The following BTAF1 variants were observed in gnomAD, a reference collection of about 807,000 sequenced individuals.
BTAF1 encodes B-TFIID TATA-box binding protein associated factor 1, also known as TATA-binding protein-associated factor 172.
In BTAF1, 38 loss-of-function variants were observed where a neutral mutation model predicts 227.1. That is an observed-to-expected ratio of 0.17 (90% confidence interval 0.13 to 0.22). The LOEUF is 0.22. Among genes scored for constraint, BTAF1 ranks in the 10% least tolerant of loss-of-function variants. The pLI, the probability that BTAF1 is intolerant of heterozygous loss-of-function variation, is 1.00. For missense variants in BTAF1, 1,598 were observed against 2,204.0 expected, an observed-to-expected ratio of 0.73 and a Z score of 5.51; for synonymous variants, 742 against 751.9, an observed-to-expected ratio of 0.99 and a Z score of 0.21.
intron 33 of BTAF1, among the ~76,000 whole-genome samples, chr10:92,018,555 T>C (rs535694640): frequency 6.6e-5 from 10 of 152,282 alleles, no homozygotes; most frequent in African/African-American, 1.9e-4. Context: ...GAGACAGATA[T>C]AAACAGTACA....
At chr10:91,932,461 T>C (rs1657874612) in intron 1 of BTAF1, among the ~76,000 whole-genome samples, 1 of 152,222 alleles carries the variant, frequency 6.6e-6, no homozygotes, top group Non-Finnish European at 1.5e-5. Flanking sequence ...TTCTTAAACT[T>C]GTCCCCAAGA....
chr10:91,968,406 A>G (rs1411706074), intron 14 of BTAF1, among the ~76,000 whole-genome samples: 1 of 152,184 alleles, frequency 6.6e-6, no homozygotes, highest in African/African-American at 2.4e-5. Flanking sequence ...TCACGGAATG[A>G]TACTCCATTG....
chr10:91,945,104 G>A (rs1378773841), intron 4 of BTAF1, among the ~76,000 whole-genome samples: 1 of 151,818 alleles, frequency 6.6e-6, no homozygotes, highest in African/African-American at 2.4e-5. Flanking sequence ...CACATTTCTC[G>A]GAATGTACTC....
rs1430019692 is a variant in BTAF1 at position 92,030,244 on chromosome 10, A to G, written c.*1311A>G. On this transcript the variant is annotated 3_prime_UTR_variant, in exon 38 of 38. Transcript: ENST00000265990. ...TCTGCAGCATTTAGACATTTGTCAC[A>G]TTTCATTAGCTTTGACAACCATACT... is the stretch of plus-strand genomic sequence containing the variant. The G allele has an allele frequency of 1.3e-5, 2 of 152,576 alleles. No homozygotes were observed. The highest frequency in any genetic ancestry group is 2.9e-5 in the Non-Finnish European group (2 of 67,974). 9.5% of individuals were successfully genotyped at this position (152,576 alleles called of 1,614,324 possible).
At chr10:91,931,078 ATTTC>A (rs1352836690) in intron 1 of BTAF1, among the ~76,000 whole-genome samples, 4 of 152,152 alleles carry the variant, frequency 2.6e-5, no homozygotes, top group Non-Finnish European at 5.9e-5. Flanking sequence ...AATGCATGAC[ATTTC>A]TTTCTGTTTA....
intron 12 of BTAF1, 85 bp from the exon 13 acceptor site, chr10:91,963,992 G>T: frequency 1.4e-6 from 2 of 1,454,556 alleles, no homozygotes; most frequent in African/African-American, 1.4e-5. Flanking sequence ...TGTTGAATCA[G>T]TAGTGACCCC....
chr10:91,949,484 A>C (rs893287260), intron 4 of BTAF1, among the ~76,000 whole-genome samples: 5 of 152,126 alleles, frequency 3.3e-5, no homozygotes, highest in African/African-American at 1.2e-4. Context: ...TGTAGACTAG[A>C]TTCTGTTACA....
At chr10:91,938,975 CAA>C (rs58534811) in intron 2 of BTAF1, among the ~76,000 whole-genome samples, 151 of 89,450 alleles carry the variant, frequency 1.7e-3, no homozygotes, top group African/African-American at 3.4e-3. Context: ...TCCATTTCTG[CAA>C]AAAAAAAAAA....
chr10:91,966,265 T>G (rs1846904303), intron 13 of BTAF1, among the ~76,000 whole-genome samples: 1 of 152,168 alleles, frequency 6.6e-6, no homozygotes, highest in Non-Finnish European at 1.5e-5. Flanking sequence ...GAAGTAAGGA[T>G]TAGCAATCCT....
chr10:91,956,772 C>T (rs1011789815), intron 7 of BTAF1, 115 bp downstream of exon 7: 12 of 1,142,848 alleles, frequency 1.1e-5, no homozygotes, highest in Middle Eastern at 3.0e-4. Flanking sequence ...GGCGTTATCA[C>T]GAGGTCAGGA....
chr10:92,011,515 A>AT (rs1850289712), intron 30 of BTAF1, 100 bp downstream of exon 30: 2 of 473,094 alleles, frequency 4.2e-6, no homozygotes, highest in East Asian at 5.1e-5. Flanking sequence ...ATTAAAGAAG[A>AT]TTTTTTATTG....
At chr10:91,955,758 C>A (rs1001416925) in intron 6 of BTAF1, among the ~76,000 whole-genome samples, 1 of 151,948 alleles carries the variant, frequency 6.6e-6, no homozygotes, top group Non-Finnish European at 1.5e-5. Flanking sequence ...CTTAAGGTGA[C>A]CTACTAATGT....
intron 35 of BTAF1, 112 bp from the exon 36 acceptor site, chr10:92,026,480 C>A (rs532744173): frequency 2.4e-6 from 2 of 826,792 alleles, no homozygotes; most frequent in South Asian, 2.2e-5. Flanking sequence ...GTAAGTATCC[C>A]TATTGTGGAT....
chr10:92,006,849 C>A (rs1180963482), intron 25 of BTAF1, among the ~76,000 whole-genome samples: 1 of 152,134 alleles, frequency 6.6e-6, no homozygotes, highest in Non-Finnish European at 1.5e-5. Flanking sequence ...TTCTCCTGGG[C>A]ACAGTTTGTC....
intron 14 of BTAF1, among the ~76,000 whole-genome samples, chr10:91,977,609 G>A (rs2133965879): frequency 6.6e-6 from 1 of 152,230 alleles, no homozygotes; most frequent in Non-Finnish European, 1.5e-5. Flanking sequence ...AAGCACAATT[G>A]CTGGATGGTA....
In BTAF1 at chr10:91,974,206, C is replaced by T. The variant is rs572351269; in HGVS notation, c.1651-6248C>T. Among the ~76,000 whole-genome samples the T allele has an allele frequency of 5.3e-5, 8 of 152,244 alleles. No homozygotes were observed. The South Asian group carries it at 8.3e-4, about 16-fold the overall frequency. ...TTGGCTATAGCTCAGTGTGTCACTGCGTTGTAAAGATTGATGCTTCTGTTT... is the reference window on the plus strand; with the variant it reads ...TTGGCTATAGCTCAGTGTGTCACTGTGTTGTAAAGATTGATGCTTCTGTTT... On this transcript the variant is annotated intron_variant, in intron 14 of 37. Coordinates refer to ENST00000265990, the MANE Select transcript of BTAF1 (RefSeq NM_003972.3).
Position 92,013,921 on chromosome 10 carries a change from G to A in BTAF1, c.4476G>A (p.Leu1492=). The A allele has an allele frequency of 6.2e-7, 1 of 1,613,788 alleles. No individual in the cohort carries two copies. Among genetic ancestry groups the A allele is most frequent in the Non-Finnish European group, 8.5e-7 (1 of 1,179,968 alleles). ...QEAGVLAMDA[L]HRQVLPFLLR... is the part of the protein sequence containing the mutation. ...CAGGTGTTCTTGCTATGGATGCGCT[G>A]CACCGCCAAGTACTACCGTTTCTTT... Residue 1492 remains leucine (L), a synonymous_variant, in exon 32 of 38, where the codon CTG becomes CTA. Transcript: ENST00000265990.
rs1018147709 is a variant in BTAF1, at chr10:92,031,388, A to G, written c.*2455A>G. On this transcript the variant is annotated 3_prime_UTR_variant, in exon 38 of 38. Transcript: ENST00000265990. ...ACTGGTATAGCCTTATTCCTTCTGG[A>G]TGGTTTATATGAACTTACTTATTCA... is the stretch of plus-strand genomic sequence containing the variant. 7.9e-5 allele frequency among the ~76,000 whole-genome samples: 12 copies of G among 152,202 alleles called. No individual in the cohort carries two copies. The highest frequency in any genetic ancestry group is 2.9e-4 in the African/African-American group (12 of 41,446).
At chr10:91,985,476 G>A (rs965771267) in intron 19 of BTAF1, among the ~76,000 whole-genome samples, 1 of 152,038 alleles carries the variant, frequency 6.6e-6, no homozygotes, top group African/African-American at 2.4e-5. Context: ...GTGGACATCT[G>A]CTTTCATTTT....
Sources: allele counts gnomAD v4.1 joint callset (sites outside exome capture counted in the v4.1 genomes callset), GRCh38; gene constraint gnomAD v4.1.1; transcripts MANE v1.5; gene names NCBI Gene and HGNC (gene_info 2026-07-23, HGNC 2026-07-21).